STAG2: variants seen among roughly 807,000 people sequenced by gnomAD.
The protein encoded by STAG2 is cohesin subunit SA-2.
Under a neutral mutation model 108.1 loss-of-function variants are expected in STAG2, and 14 were observed. The ratio of observed to expected loss-of-function variants is 0.13; its 90% CI spans 0.09 to 0.20. The LOEUF is 0.20. Among genes scored for constraint, STAG2 ranks in the 10% least tolerant of loss-of-function variants. STAG2 has a pLI of 1.00. For missense variants in STAG2, 440 were observed against 940.9 expected, an observed-to-expected ratio of 0.47 and a Z score of 6.96; for synonymous variants, 307 against 302.7, an observed-to-expected ratio of 1.01 and a Z score of -0.15.
chrX:124,079,099 A>G (rs1404597555), intron 27 of STAG2, among the ~76,000 whole-genome samples: 3 of 109,524 alleles, frequency 2.7e-5, no homozygotes, highest in African/African-American at 9.9e-5. Flanking sequence ...AACCCAACCC[A>G]TTCCAACTTA....
At chrX:124,001,512 G>C (rs2147842505) in intron 1 of STAG2, among the ~76,000 whole-genome samples, 1 of 111,902 alleles carries the variant, frequency 8.9e-6, no homozygotes, top group South Asian at 3.7e-4. Context: ...GACTCACTCA[G>C]AGCAACTTTC....
intron 13 of STAG2, 22 bp from the exon 14 acceptor site, chrX:124,056,106 C>T: frequency 9.2e-7 from 1 of 1,085,379 alleles, no homozygotes; most frequent in Non-Finnish European, 1.3e-6. Flanking sequence ...ACTAAAAGCA[C>T]CTGTTACTGC....
At position 124,081,577 on chromosome X, in the gene STAG2, C is replaced by CT. The variant is rs748988828; in HGVS notation, c.2924+52dup. The CT allele has an allele frequency of 3.0e-6, 3 of 1,012,110 alleles. No individual in the cohort carries two copies. In the South Asian group the frequency reaches 8.1e-5, roughly 27 times the overall value. The allele number at this position is 1,012,110 out of a possible 1,213,427, so 83.4% of individuals were successfully genotyped here. A position where few individuals can be genotyped will look rare whatever the true frequency, so the allele number is the denominator to read the frequency against. On this transcript the variant is annotated intron_variant, in intron 28 of 34. Transcript: ENST00000371145. ...GCTCTCATATTTTTTAGTCATGAAACTTTATTTTTAAATCTAGCCCTTTCA... is the reference window on the plus strand; with the variant it reads ...GCTCTCATATTTTTTAGTCATGAAACTTTTATTTTTAAATCTAGCCCTTTCA...
At chrX:123,963,174 C>T (rs1422698470) in intron 1 of STAG2, 1 of 111,471 alleles carries the variant, frequency 9.0e-6, no homozygotes, top group Non-Finnish European at 1.9e-5. Context: ...TGCGTCATTC[C>T]TGGCTCTAGC....
rs777604512 is a variant in STAG2 at position 124,062,972 on chromosome X, C to T, written c.1709C>T (p.Ala570Val). 1.8e-5 allele frequency: 22 copies of T among 1,209,007 alleles called. No individual in the cohort carries two copies. In the South Asian group the frequency reaches 3.5e-4, roughly 19 times the overall value. Residue 570 changes from alanine to valine, a missense_variant, in exon 18 of 35, where the codon GCC becomes GTC. Ala to Val is a moderately conservative substitution (Grantham distance 64). Around this residue, in one of 3 missense-constraint regions of STAG2, gnomAD observed 337 missense variants for 649.3 expected, o/e 0.52. Transcript: ENST00000371145. Reference sequence around the variant, plus strand: ...AAAATCACTGAGCTTTTTGCCGTGGCCCTTCCTCAGTTATTAGCAAAAGTA... The same window carrying T: ...AAAATCACTGAGCTTTTTGCCGTGGTCCTTCCTCAGTTATTAGCAAAAGTA... ...RTKITELFAV[A>V]LPQLLAKYSV... is the part of the protein sequence containing the mutation.
chrX:124,034,219 A>G (rs1257550962), intron 5 of STAG2, among the ~76,000 whole-genome samples: 1 of 111,468 alleles, frequency 9.0e-6, no homozygotes, highest in Non-Finnish European at 1.9e-5. Context: ...TTATTTTAAG[A>G]TGAGGTTTCA....
chrX:123,982,491 A>G (rs754678888), intron 1 of STAG2, among the ~76,000 whole-genome samples: 1 of 111,592 alleles, frequency 9.0e-6, no homozygotes, highest in African/African-American at 3.3e-5. Context: ...TCCTGGGTTC[A>G]AGCGATTCTT....
chrX:124,012,144 C>T (rs1350985117), intron 1 of STAG2, among the ~76,000 whole-genome samples: 6 of 111,841 alleles, frequency 5.4e-5, no homozygotes, highest in African/African-American at 1.9e-4. Flanking sequence ...CAATAAATCT[C>T]ACTTGGTCAT....
intron 1 of STAG2, among the ~76,000 whole-genome samples, chrX:123,973,285 G>A (rs1052036998): frequency 9.1e-6 from 1 of 110,180 alleles, no homozygotes; most frequent in Admixed American, 9.8e-5. Flanking sequence ...CATCATGCCT[G>A]TAATCCCAGC....
chrX:123,973,911 C>T (rs745727125), intron 1 of STAG2, among the ~76,000 whole-genome samples: 1 of 110,284 alleles, frequency 9.1e-6, no homozygotes, highest in East Asian at 2.8e-4. Flanking sequence ...ATAGTCTCTG[C>T]CCTTAGGGGA....
chrX:124,072,900 CTTTCTTTT>C (rs1386826544), intron 25 of STAG2, among the ~76,000 whole-genome samples: 1 of 84,800 alleles, frequency 1.2e-5, no homozygotes, highest in African/African-American at 4.6e-5. Flanking sequence ...TTCTTTCTTT[CTTTCTTTT>C]TTTTTTTTTT....
At chrX:124,051,269 T>C (rs2058030943) in intron 12 of STAG2, 46 bp from the exon 13 acceptor site, 3 of 1,166,182 alleles carry the variant, frequency 2.6e-6, no homozygotes, top group African/African-American at 1.8e-5. Flanking sequence ...GCAAACACTT[T>C]TCTCTTGCTT....
At position 124,041,650 on chromosome X, in the gene STAG2, A is replaced by T. The variant is rs113352456; in HGVS notation, c.386-919A>T. Reference sequence around the variant, plus strand: ...TGAAAATCTAGTATTTACGTTGATTACCCCTGCCCCCATCTCTCTCTTTCT... The same window carrying T: ...TGAAAATCTAGTATTTACGTTGATTTCCCCTGCCCCCATCTCTCTCTTTCT... On this transcript the variant is annotated intron_variant, in intron 6 of 34. Transcript: ENST00000371145. Among the ~76,000 whole-genome samples, 724 of 110,970 alleles carry T rather than the reference A, an allele frequency of 6.5e-3. 5 individuals carry two copies. Among genetic ancestry groups the T allele is most frequent in the African/African-American group, 0.022 (681 of 30,520 alleles).
At chrX:123,986,084 TATATG>T (rs1443806714) in intron 1 of STAG2, among the ~76,000 whole-genome samples, 11 of 105,543 alleles carry the variant, frequency 1.0e-4, no homozygotes, top group Non-Finnish European at 5.8e-5. Flanking sequence ...CATATATACA[TATATG>T]ATATATATCA....
chrX:124,100,526 A>C, intron 34 of STAG2, 48 bp from the exon 35 acceptor site: 1 of 1,100,433 alleles, frequency 9.1e-7, no homozygotes, highest in Non-Finnish European at 1.3e-6. Flanking sequence ...TATTTAAAGA[A>C]ATGAATGACT....
chrX:124,060,578 C>T (rs1464748482), intron 15 of STAG2, among the ~76,000 whole-genome samples: 1 of 112,277 alleles, frequency 8.9e-6, no homozygotes, highest in South Asian at 3.7e-4. Flanking sequence ...GAGTAGCTGA[C>T]TAATACATTA....
At chrX:124,095,316 A>G (rs2059351294) in intron 33 of STAG2, 56 bp from the exon 34 acceptor site, 23 of 951,682 alleles carry the variant, frequency 2.4e-5, no homozygotes, top group South Asian at 2.4e-4. Context: ...TTCAGTTACT[A>G]TCTGGTTTGT....
chrX:123,984,320 A>G (rs2055051850), intron 1 of STAG2, among the ~76,000 whole-genome samples: 1 of 111,715 alleles, frequency 9.0e-6, no homozygotes, highest in South Asian at 3.7e-4. Context: ...TGACTTATTT[A>G]GGAAGATAGA....
In STAG2 at chrX:124,062,989, G is replaced by A. The variant is rs746483415; in HGVS notation, c.1726G>A (p.Ala576Thr). The A allele has an allele frequency of 8.3e-7, 1 of 1,209,089 alleles. No individual in the cohort carries two copies. The highest frequency in any genetic ancestry group is 3.0e-5 in the East Asian group (1 of 33,804). The change falls in exon 18 of 35, where the codon GCA becomes ACA. Residue 576 changes from alanine (A) to threonine (T), a missense_variant. By Grantham distance (58) the Ala-to-Thr change is moderately conservative. Coordinates refer to ENST00000371145, the MANE Select transcript of STAG2 (RefSeq NM_001042750.2). ...LFAVALPQLL[A>T]KYSVDAEKVT... Reference sequence around the variant, plus strand: ...TGCCGTGGCCCTTCCTCAGTTATTAGCAAAAGTAAGTTTGTGTCAATATCA... The same window carrying A: ...TGCCGTGGCCCTTCCTCAGTTATTAACAAAAGTAAGTTTGTGTCAATATCA...
Sources: gnomAD v4.1 joint callset for allele counts (sites outside exome capture counted in the v4.1 genomes callset) on GRCh38, gnomAD v4.1.1 for gene constraint, gnomAD v4.1.1 regional missense constraint, MANE v1.5 for transcripts, NCBI Gene and HGNC (gene_info 2026-07-23, HGNC 2026-07-21) for gene names.